Variants in BRD4 observed in about 807,000 individuals in gnomAD.
The protein encoded by BRD4 is bromodomain-containing protein 4.
Under a neutral mutation model 142.1 loss-of-function variants are expected in BRD4, and 16 were observed. That is an observed-to-expected ratio of 0.11 (90% confidence interval 0.08 to 0.17). BRD4 has a LOEUF of 0.17. BRD4 is among the 10% of genes least tolerant of loss of function. The pLI, the probability that BRD4 is intolerant of heterozygous loss-of-function variation, is 1.00. For synonymous variants in BRD4, 833 were observed against 707.5 expected (o/e 1.18, Z -2.82); for missense variants, 1,424 against 1,810.9 (o/e 0.79, Z 3.88).
intron 10 of BRD4, 146 bp downstream of exon 10, chr19:15,255,151 C>T: frequency 1.6e-5 from 13 of 803,796 alleles, no homozygotes; most frequent in South Asian, 1.9e-5. Flanking sequence ...CACAACCTTT[C>T]GGAGGTTTCT....
intron 1 of BRD4, among the ~76,000 whole-genome samples, chr19:15,328,708 A>T (rs1411349747): frequency 6.6e-6 from 1 of 152,234 alleles, no homozygotes; most frequent in African/African-American, 2.4e-5. Context: ...TAGGCACAAG[A>T]TACAACAGAA....
chr19:15,319,194 G>A (rs2048041023), intron 1 of BRD4, among the ~76,000 whole-genome samples: 1 of 151,980 alleles, frequency 6.6e-6, no homozygotes, highest in Admixed American at 6.6e-5. Context: ...AAAAGGCTGG[G>A]AGCGGTGCCT....
chr19:15,281,966 C>A (rs1368021760), intron 1 of BRD4, among the ~76,000 whole-genome samples: 1 of 152,110 alleles, frequency 6.6e-6, no homozygotes, highest in Non-Finnish European at 1.5e-5. Flanking sequence ...TGCAGTGAGC[C>A]GAGATTGTGC....
chr19:15,265,692 A>G (rs2047527194), intron 4 of BRD4, 49 bp from the exon 5 acceptor site: 10 of 1,598,644 alleles, frequency 6.3e-6, no homozygotes, highest in Non-Finnish European at 8.6e-6. Context: ...TGACATCCAC[A>G]TGCTGGCTGA....
chr19:15,244,651 A>T, intron 12 of BRD4, 51 bp from the exon 13 acceptor site: 1 of 1,613,960 alleles, frequency 6.2e-7, no homozygotes, highest in South Asian at 1.1e-5. Context: ...GGCAGGCAGA[A>T]CTGGCCCGGG....
At chr19:15,272,070 G>GA (rs113332064) in intron 2 of BRD4, among the ~76,000 whole-genome samples, 26 of 149,018 alleles carry the variant, frequency 1.7e-4, no homozygotes, top group South Asian at 1.3e-3. Context: ...GTGCTTTAAA[G>GA]AAAAAAAAAC....
chr19:15,251,551 TG>T (rs2047346995), intron 11 of BRD4, among the ~76,000 whole-genome samples: 2 of 149,116 alleles, frequency 1.3e-5, no homozygotes, highest in African/African-American at 5.0e-5. Flanking sequence ...CAGAGCTGCC[TG>T]TAACGGGCCA....
intron 6 of BRD4, 132 bp from the exon 7 acceptor site, chr19:15,263,680 T>A (rs1827435803): frequency 4.3e-6 from 5 of 1,164,730 alleles, no homozygotes; most frequent in Non-Finnish European, 4.9e-6. Context: ...AAGACTCTAG[T>A]GGGGGGACAG....
chr19:15,320,747 C>A (rs925968763), intron 1 of BRD4, among the ~76,000 whole-genome samples: 1 of 152,180 alleles, frequency 6.6e-6, no homozygotes, highest in African/African-American at 2.4e-5. Flanking sequence ...GTAAGATACA[C>A]AGTGTCTTTC....
Position 15,240,537 on chromosome 19 carries a change from C to T in BRD4, c.3170-515G>A, listed in dbSNP as rs535381705. Among the ~76,000 whole-genome samples, 9 of 152,334 alleles carry T rather than the reference C, an allele frequency of 5.9e-5. No homozygotes were observed. In the South Asian group the frequency reaches 1.9e-3, roughly 32 times the overall value. ...AGGACCCTCCCCACAGTCCTATTCC[C>T]CACTCAGCCTGCACGCCCCCACGGA... On this transcript the variant is annotated intron_variant, in intron 14 of 19. Transcript: ENST00000679869.
intron 7 of BRD4, 145 bp from the exon 8 acceptor site, chr19:15,257,318 A>T: frequency 2.6e-6 from 2 of 778,930 alleles, no homozygotes; most frequent in South Asian, 3.7e-5. Flanking sequence ...TTTGCTGCCG[A>T]GACAGGGGCA....
At chr19:15,327,828 T>C (rs998937102) in intron 1 of BRD4, among the ~76,000 whole-genome samples, 6 of 140,744 alleles carry the variant, frequency 4.3e-5, no homozygotes, top group African/African-American at 1.3e-4. Context: ...GGCAGATCCA[T>C]AGAGACAGAG....
At chr19:15,296,239 C>T (rs536532533) in intron 1 of BRD4, among the ~76,000 whole-genome samples, 11 of 152,078 alleles carry the variant, frequency 7.2e-5, no homozygotes, top group African/African-American at 2.7e-4. Flanking sequence ...GGCGACAGAG[C>T]GAGACTCCAT....
chr19:15,304,823 T>C (rs1423080299), intron 1 of BRD4, among the ~76,000 whole-genome samples: 2 of 152,034 alleles, frequency 1.3e-5, no homozygotes, highest in African/African-American at 4.8e-5. Context: ...AAATCGGTAA[T>C]TCATCTAAGG....
intron 1 of BRD4, among the ~76,000 whole-genome samples, chr19:15,284,012 G>C (rs2047723450): frequency 1.3e-5 from 2 of 152,158 alleles, no homozygotes; most frequent in Admixed American, 1.3e-4. Flanking sequence ...TGCATGAAAG[G>C]CAATAGCACA....
At chr19:15,313,143 G>A (rs1014891066) in intron 1 of BRD4, among the ~76,000 whole-genome samples, 3 of 151,898 alleles carry the variant, frequency 2.0e-5, no homozygotes, top group Non-Finnish European at 4.4e-5. Flanking sequence ...AGGCTGAGGC[G>A]GGCGGATCAC....
intron 1 of BRD4, among the ~76,000 whole-genome samples, chr19:15,285,751 C>T (rs1281057605): frequency 6.6e-6 from 1 of 152,074 alleles, no homozygotes; most frequent in Non-Finnish European, 1.5e-5. Flanking sequence ...ATTTGTTTTT[C>T]CCAACTCCCT....
rs956847035 is a variant in BRD4, at chr19:15,311,291, C to CA, written c.-35+20998dup. On this transcript the variant is annotated intron_variant, in intron 1 of 19. Coordinates refer to ENST00000679869, the MANE Select transcript of BRD4 (RefSeq NM_001379291.1). ...TGGGCAACAGAGCGAAACTCTGTCT[C>CA]AAAAAAAAACAAAAAAACAAAAAAC... Among the ~76,000 whole-genome samples, 292 of 145,976 alleles carry CA rather than the reference C, an allele frequency of 2.0e-3. 2 individuals carry two copies. The highest frequency in any genetic ancestry group is 5.7e-3 in the African/African-American group (225 of 39,638).
chr19:15,261,059 T>C (rs2047465006), intron 7 of BRD4, among the ~76,000 whole-genome samples: 1 of 152,210 alleles, frequency 6.6e-6, no homozygotes, highest in South Asian at 2.1e-4. Flanking sequence ...TGGGTATCAA[T>C]GTGAGCAGTG....
Sources: gnomAD v4.1 joint callset for allele counts (sites outside exome capture counted in the v4.1 genomes callset) on GRCh38, gnomAD v4.1.1 for gene constraint, MANE v1.5 for transcripts, NCBI Gene and HGNC (gene_info 2026-07-23, HGNC 2026-07-21) for gene names.